Variants in PCM1 observed in about 807,000 individuals in gnomAD.
PCM1 encodes the protein pericentriolar material 1 protein.
PCM1 carries 157 observed loss-of-function variants against 241.9 expected under a neutral mutation model. That is an observed-to-expected ratio of 0.65 (90% confidence interval 0.57 to 0.74). The LOEUF (loss-of-function observed/expected upper bound fraction) is 0.74, where lower values mean the gene tolerates loss of function less well. PCM1 is among the 30% of genes least tolerant of loss of function. PCM1 has a pLI of 0.00. For missense variants in PCM1, 3,478 were observed against 2,360.1 expected (o/e 1.47, Z -9.81); for synonymous variants, 1,085 against 784.9 (o/e 1.38, Z -6.39).
At position 17,953,236 on chromosome 8, in the gene PCM1, A is replaced by G. The variant is rs369439887; in HGVS notation, c.1288+50A>G. ...TTGGGTATAAGACACACAAGTATAT[A>G]TACTGTCACATAATAAATTTAGTAT... On this transcript the variant is annotated intron_variant, in intron 9 of 38. Transcript: ENST00000325083. 334 of 832,846 alleles carry G rather than the reference A, an allele frequency of 4.0e-4. 2 individuals carry two copies. The highest frequency in any genetic ancestry group is 3.8e-3 in the African/African-American group (226 of 58,958). The allele number at this position is 832,846 out of a possible 1,614,324, so 51.6% of individuals were successfully genotyped here. A position where few individuals can be genotyped will look rare whatever the true frequency, so the allele number is the denominator to read the frequency against.
At position 17,989,574 on chromosome 8, in the gene PCM1, G is replaced by A. The variant is rs377532445; in HGVS notation, c.4411-285G>A. On this transcript the variant is annotated intron_variant, in intron 26 of 38. Transcript: ENST00000325083. ...TGAGAGTATAGAAATAATGTAAAAT[G>A]TTAACTTTGCCAAATTAGAATTTAA... is the stretch of plus-strand genomic sequence containing the variant. Among the ~76,000 whole-genome samples the A allele has an allele frequency of 2.0e-5, 3 of 152,092 alleles. No homozygotes were observed. The East Asian group carries it at 5.8e-4, about 29-fold the overall frequency.
intron 36 of PCM1, chr8:18,024,932 A>G (rs1292661127): frequency 1.3e-5 from 2 of 153,444 alleles, no homozygotes; most frequent in African/African-American, 2.4e-5. Context: ...AGGTGATCAC[A>G]AAAGACAGTT....
Position 17,964,705 on chromosome 8 carries a change from T to C in PCM1, c.2792T>C (p.Phe931Ser). 1.2e-6 allele frequency: 2 copies of C among 1,613,934 alleles called. No individual in the cohort carries two copies. The highest frequency in any genetic ancestry group is 1.7e-6 in the Non-Finnish European group (2 of 1,179,832). The change falls in exon 18 of 39, where the codon TTT (phenylalanine) becomes TCT (serine). Residue 931 changes from phenylalanine (F) to serine (S), a missense_variant. Physicochemically the swap from Phe to Ser is radical, Grantham distance 155. Coordinates refer to ENST00000325083, the MANE Select transcript of PCM1 (RefSeq NM_006197.4). ...EEQDASSNDN[F>S]SVCPSNSVNH... ...CAAGATGCCAGTTCCAATGATAACTTTTCTGTGTGTCCTTCTAACAGTGTG... is the reference window on the plus strand; with the variant it reads ...CAAGATGCCAGTTCCAATGATAACTCTTCTGTGTGTCCTTCTAACAGTGTG...
intron 26 of PCM1, among the ~76,000 whole-genome samples, chr8:17,986,475 G>A (rs2082638298): frequency 6.8e-6 from 1 of 147,282 alleles, no homozygotes; most frequent in Non-Finnish European, 1.5e-5. Flanking sequence ...CAGGTCTTTG[G>A]GTTAAAAAAA....
At position 17,963,089 on chromosome 8, in the gene PCM1, T is replaced by TA. The variant is rs763052574; in HGVS notation, c.2464-4dup. 28 of 1,581,838 alleles carry TA rather than the reference T, an allele frequency of 1.8e-5. No individual in the cohort carries two copies. Among genetic ancestry groups the TA allele is most frequent in the Admixed American group, 3.6e-5 (2 of 54,948 alleles). ...AAATATTTATTTAACTCTGGTTTCT[T>TA]AAAAAAAATAGTTGTGGTCAGAAAT... On this transcript the variant is annotated splice_polypyrimidine_tract_variant and intron_variant, in intron 16 of 38. Coordinates refer to ENST00000325083, the MANE Select transcript of PCM1 (RefSeq NM_006197.4).
chr8:17,957,992 A>T (rs2069466752), intron 13 of PCM1, among the ~76,000 whole-genome samples: 2 of 152,186 alleles, frequency 1.3e-5, no homozygotes, highest in African/African-American at 4.8e-5. Flanking sequence ...CTTTGTGGCG[A>T]TATAGTATCT....
At chr8:17,939,997 G>A in intron 6 of PCM1, 136 bp downstream of exon 6, 1 of 1,308,852 alleles carries the variant, frequency 7.6e-7, no homozygotes, top group Non-Finnish European at 1.1e-6. Flanking sequence ...ACAATTTATT[G>A]CCCATTTTAA....
rs368191591 is a variant in PCM1, at chr8:18,015,037, C to CTGTT, written c.5841+199_5841+202dup. Among the ~76,000 whole-genome samples the CTGTT allele has an allele frequency of 4.0e-3, 612 of 152,264 alleles. 7 individuals carry two copies. The highest frequency in any genetic ancestry group is 0.014 in the African/African-American group (591 of 41,558). On this transcript the variant is annotated intron_variant, in intron 36 of 38. Transcript: ENST00000325083. ...AGATGACCATCTCAAAACCCACATG[C>CTGTT]TGTTTTATAATTTTGAGAACCAAAG...
intron 23 of PCM1, among the ~76,000 whole-genome samples, chr8:17,978,363 C>G (rs929412338): frequency 6.6e-6 from 1 of 152,050 alleles, no homozygotes; most frequent in Non-Finnish European, 1.5e-5. Flanking sequence ...ATCAGAACAG[C>G]TGGCTGTTGT....
Position 17,939,823 on chromosome 8 carries a change from C to A in PCM1, c.745C>A (p.Gln249Lys). The A allele has an allele frequency of 6.6e-7, 1 of 1,516,352 alleles. No homozygotes were observed. The highest frequency in any genetic ancestry group is 8.9e-7 in the Non-Finnish European group (1 of 1,120,800). The allele number at this position is 1,516,352 out of a possible 1,614,324, so 93.9% of individuals were successfully genotyped here. The change falls in exon 6 of 39, where the codon CAA (glutamine) becomes AAA (lysine). Residue 249 changes from glutamine to lysine, a missense_variant. By Grantham distance (53) the Gln-to-Lys change is moderately conservative (BLOSUM62 1). Transcript: ENST00000325083. The stretch of plus-strand genomic sequence containing the variant: ...TCATCTAATAGATCACCTTAAAGAA[C>A]AAGAGAAGTCATATATGAAATTTCT... ...LTHLIDHLKE[Q>K]EKSYMKFLKK...
At chr8:17,964,528 T>C (rs1488730389) in intron 17 of PCM1, 40 bp from the exon 18 acceptor site, 6 of 1,504,472 alleles carry the variant, frequency 4.0e-6, no homozygotes, top group South Asian at 1.2e-5. Flanking sequence ...ATTTAACTTA[T>C]CTCCAGAATG....
rs893384627 is a variant in PCM1 at position 17,953,134 on chromosome 8, A to G, written c.1236A>G (p.Lys412=). 6.3e-7 allele frequency: 1 copy of G among 1,592,032 alleles called. No individual in the cohort carries two copies. The highest frequency in any genetic ancestry group is 8.6e-7 in the Non-Finnish European group (1 of 1,168,344). ...VLQEKKQKMD[K]LLGELHTLRD... The stretch of plus-strand genomic sequence containing the variant: ...AGGAAAAGAAACAAAAAATGGACAA[A>G]TTGCTTGGAGAACTTCATACACTTC... Residue 412 remains lysine (K), a synonymous_variant, in exon 9 of 39, where the codon AAA becomes AAG. Coordinates refer to ENST00000325083, the MANE Select transcript of PCM1 (RefSeq NM_006197.4).
intron 30 of PCM1, among the ~76,000 whole-genome samples, chr8:18,007,176 C>T (rs1313084126): frequency 2.0e-5 from 3 of 152,270 alleles, no homozygotes; most frequent in African/African-American, 4.8e-5. Context: ...TGTATTTTTA[C>T]TCCACATTAG....
intron 24 of PCM1, among the ~76,000 whole-genome samples, chr8:17,983,628 C>G (rs543736391): frequency 4.6e-5 from 7 of 152,086 alleles, no homozygotes; most frequent in Non-Finnish European, 7.4e-5. Flanking sequence ...AATATAGTTA[C>G]TTTTATAGTT....
chr8:18,019,476 G>A (rs2093587419), intron 36 of PCM1, among the ~76,000 whole-genome samples: 1 of 152,010 alleles, frequency 6.6e-6, no homozygotes, highest in Admixed American at 6.6e-5. Flanking sequence ...TAATGAAATT[G>A]GTATACAACT....
chr8:18,022,793 G>A (rs2093861679), intron 36 of PCM1, among the ~76,000 whole-genome samples: 1 of 152,118 alleles, frequency 6.6e-6, no homozygotes, highest in Non-Finnish European at 1.5e-5. Context: ...ACTTCACCAT[G>A]ATACCCTTGA....
intron 26 of PCM1, among the ~76,000 whole-genome samples, chr8:17,989,067 C>T (rs1448379790): frequency 6.6e-6 from 1 of 151,944 alleles, no homozygotes; most frequent in Non-Finnish European, 1.5e-5. Flanking sequence ...AATGGATAAA[C>T]AAACTGTGGT....
chr8:17,954,567 G>A (rs2067325690), intron 9 of PCM1, among the ~76,000 whole-genome samples: 2 of 152,152 alleles, frequency 1.3e-5, no homozygotes, highest in South Asian at 4.1e-4. Flanking sequence ...TCACTGGGAA[G>A]CAGTGTGAGA....
At chr8:17,947,513 T>C in intron 7 of PCM1, 150 bp downstream of exon 7, 1 of 588,058 alleles carries the variant, frequency 1.7e-6, no homozygotes, top group African/African-American at 1.9e-5. Flanking sequence ...TGTGCTTTTC[T>C]CTGGTTATGC....
Sources: allele counts gnomAD v4.1 joint callset (sites outside exome capture counted in the v4.1 genomes callset), GRCh38; gene constraint gnomAD v4.1.1; transcripts MANE v1.5; gene names NCBI Gene and HGNC (gene_info 2026-07-23, HGNC 2026-07-21).